Variants in EPN2 observed in about 807,000 individuals in gnomAD.
EPN2 encodes epsin-2.
Under a neutral mutation model 61.7 loss-of-function variants are expected in EPN2, and 34 were observed. The ratio of observed to expected loss-of-function variants is 0.55; its 90% CI spans 0.42 to 0.73. The LOEUF is 0.73. Among genes scored for constraint, EPN2 ranks in the 30% least tolerant of loss-of-function variants. EPN2 has a pLI of 0.00. For missense variants in EPN2, 714 were observed against 839.2 expected (o/e 0.85, Z 1.84); for synonymous variants, 349 against 353.6 (o/e 0.99, Z 0.15).
chr17:19,295,785 C>T (rs2045513791), intron 4 of EPN2, among the ~76,000 whole-genome samples: 1 of 152,194 alleles, frequency 6.6e-6, no homozygotes, highest in South Asian at 2.1e-4. Context: ...ACCTCTCCCA[C>T]ACCTCTCAAA....
Position 19,285,753 on chromosome 17 carries a change from G to A in EPN2, c.729G>A (p.Trp243Ter). The change falls in exon 4 of 11, where the codon TGG becomes TGA. Residue 243 changes from tryptophan (W) to a stop codon, truncating the protein, a stop_gained. Transcript: ENST00000314728. LOFTEE classifies it high-confidence loss of function. This position sits in a 1 kb window ranked among gnomAD's most constrained non-coding sequence, Gnocchi z 4.5. ...LGLASRPNGD[W>*]SQPCLTCDRA... ...TGGCCTCCCGCCCAAATGGCGACTG[G>A]TCCCAGCCCTGCCTCACTTGTGACC... The A allele has an allele frequency of 6.2e-7, 1 of 1,607,986 alleles. No homozygotes were observed. The highest frequency in any genetic ancestry group is 8.5e-7 in the Non-Finnish European group (1 of 1,178,048).
intron 1 of EPN2, among the ~76,000 whole-genome samples, chr17:19,248,916 T>C (rs1322501313): frequency 1.3e-5 from 2 of 152,054 alleles, no homozygotes; most frequent in Non-Finnish European, 2.9e-5. Flanking sequence ...AGTCGAGTCT[T>C]GAAGGAAAAG....
intron 1 of EPN2, among the ~76,000 whole-genome samples, chr17:19,251,965 T>C (rs1396969588): frequency 6.6e-6 from 1 of 152,166 alleles, no homozygotes; most frequent in East Asian, 1.9e-4. Context: ...TAATTTTATA[T>C]AATATTTTAA....
chr17:19,295,538 A>G (rs530474399), intron 4 of EPN2, among the ~76,000 whole-genome samples: 15 of 152,258 alleles, frequency 9.9e-5, no homozygotes, highest in East Asian at 9.7e-4. Flanking sequence ...CTCTCAGAAA[A>G]AAAAGAAAAG....
intron 4 of EPN2, among the ~76,000 whole-genome samples, chr17:19,300,617 G>A (rs995992562): frequency 1.3e-5 from 2 of 151,820 alleles, no homozygotes; most frequent in African/African-American, 2.4e-5. Context: ...TAGTAGAGAC[G>A]GGGTTTCTCC....
In EPN2 at chr17:19,319,254, A is replaced by C. The variant is rs150321532; in HGVS notation, c.1147+5975A>C. ...CTTGTGTTAACTCTTAAAGATATAA[A>C]CCTATTAGTTTAAACTGTGTTTAGA... is the stretch of plus-strand genomic sequence containing the variant. On this transcript the variant is annotated intron_variant, in intron 7 of 10. Transcript: ENST00000314728. Among the ~76,000 whole-genome samples, 15 of 152,162 alleles carry C rather than the reference A, an allele frequency of 9.9e-5. No individual in the cohort carries two copies. The East Asian group carries it at 2.1e-3, about 22-fold the overall frequency.
intron 7 of EPN2, among the ~76,000 whole-genome samples, chr17:19,328,232 A>G (rs1906986535): frequency 6.6e-6 from 1 of 152,200 alleles, no homozygotes; most frequent in African/African-American, 2.4e-5. Context: ...GTCAGAAAGC[A>G]GAAACCACTC....
chr17:19,303,583 AC>A (rs1378152689), intron 4 of EPN2, among the ~76,000 whole-genome samples: 2 of 152,034 alleles, frequency 1.3e-5, no homozygotes, highest in African/African-American at 4.8e-5. Flanking sequence ...TTTTGCTGGG[AC>A]TGTCATAGAT....
intron 4 of EPN2, among the ~76,000 whole-genome samples, chr17:19,289,441 TGA>T (rs1208490551): frequency 1.3e-5 from 2 of 151,038 alleles, no homozygotes; most frequent in African/African-American, 4.9e-5. Context: ...CTGGGCAGAG[TGA>T]GAGGGGAGCT....
At chr17:19,258,633 T>G (rs945514782) in intron 1 of EPN2, among the ~76,000 whole-genome samples, 1 of 152,192 alleles carries the variant, frequency 6.6e-6, no homozygotes, top group Non-Finnish European at 1.5e-5. Flanking sequence ...ACTCAGCAGC[T>G]AACTGTGATT....
intron 4 of EPN2, among the ~76,000 whole-genome samples, chr17:19,287,660 G>C (rs1194409115): frequency 1.3e-5 from 2 of 152,174 alleles, no homozygotes; most frequent in East Asian, 1.9e-4. Context: ...TCAGAAAACT[G>C]TCAGGTGAGA....
rs1907023714 is a variant in EPN2, at chr17:19,328,836, GCTT to G, written c.1276_1278del (p.Ser426del). 1.9e-6 allele frequency: 3 copies of G among 1,613,376 alleles called. No individual in the cohort carries two copies. The highest frequency in any genetic ancestry group is 2.5e-6 in the Non-Finnish European group (3 of 1,179,658). On this transcript the variant is annotated inframe_deletion, in exon 8 of 11. Transcript: ENST00000314728. The stretch of plus-strand genomic sequence containing the variant: ...GCCTGCCTCCAGTGCTGGGAAAAGA[GCTT>G]CTGACGCGTGGGGCGCAGTCTCCAC...
At chr17:19,292,253 C>T (rs1005935787) in intron 4 of EPN2, among the ~76,000 whole-genome samples, 1 of 152,132 alleles carries the variant, frequency 6.6e-6, no homozygotes, top group Admixed American at 6.5e-5. Context: ...CAGCAGGGCC[C>T]GCCCGGGGCT....
At chr17:19,247,036 C>T (rs2044960480) in intron 1 of EPN2, among the ~76,000 whole-genome samples, 1 of 151,838 alleles carries the variant, frequency 6.6e-6, no homozygotes, top group Non-Finnish European at 1.5e-5. Context: ...TCCCAAAGTA[C>T]TGGGATTACA....
chr17:19,322,136 A>C (rs754077502), intron 7 of EPN2, among the ~76,000 whole-genome samples: 2 of 152,182 alleles, frequency 1.3e-5, no homozygotes, highest in African/African-American at 2.4e-5. Flanking sequence ...CGAGGAGTGA[A>C]GTGTCAGAAG....
intron 1 of EPN2, among the ~76,000 whole-genome samples, chr17:19,259,946 G>A (rs994288141): frequency 2.0e-5 from 3 of 152,126 alleles, no homozygotes; most frequent in Non-Finnish European, 2.9e-5. Context: ...TACCCACCTC[G>A]TCTGCCCCCT....
At chr17:19,326,373 CTGTT>C (rs1246218755) in intron 7 of EPN2, among the ~76,000 whole-genome samples, 2 of 152,064 alleles carry the variant, frequency 1.3e-5, no homozygotes, top group Admixed American at 6.6e-5. Context: ...TCTCATAACA[CTGTT>C]TGTGAGGATA....
chr17:19,302,423 C>G (rs1905576520), intron 4 of EPN2, among the ~76,000 whole-genome samples: 1 of 152,226 alleles, frequency 6.6e-6, no homozygotes, highest in Non-Finnish European at 1.5e-5. Context: ...GCATTACTGT[C>G]TGAGCTCCAC....
chr17:19,301,231 C>T (rs2152226593), intron 4 of EPN2, among the ~76,000 whole-genome samples: 1 of 152,276 alleles, frequency 6.6e-6, no homozygotes, highest in South Asian at 2.1e-4. Context: ...CTTCTAAGGA[C>T]ACTAGTTCTA....
Sources: allele counts gnomAD v4.1 joint callset (sites outside exome capture counted in the v4.1 genomes callset), GRCh38; gene constraint gnomAD v4.1.1; non-coding constraint Gnocchi (gnomAD v3.1); transcripts MANE v1.5; gene names NCBI Gene and HGNC (gene_info 2026-07-23, HGNC 2026-07-21).